The following EYS variants were observed in gnomAD, a reference collection of about 807,000 sequenced individuals.
EYS encodes EGF-like photoreceptor maintenance factor.
In EYS, 250 loss-of-function variants were observed where a neutral mutation model predicts 282.1. The ratio of observed to expected loss-of-function variants is 0.89; its 90% CI spans 0.80 to 0.98. The LOEUF is 0.98. EYS is among the 50% of genes least tolerant of loss of function. EYS has a pLI of 0.00. For missense variants in EYS, 4,016 were observed against 3,709.0 expected (o/e 1.08, Z -2.15); for synonymous variants, 1,355 against 1,282.9 (o/e 1.06, Z -1.20).
At chr6:64,455,075 T>G (rs1775508975) in intron 26 of EYS, among the ~76,000 whole-genome samples, 1 of 152,100 alleles carries the variant, frequency 6.6e-6, no homozygotes, top group East Asian at 1.9e-4. Context: ...CTACTTCTAT[T>G]TATTTATTTG....
At chr6:64,660,450 C>T (rs997996161) in intron 22 of EYS, among the ~76,000 whole-genome samples, 3 of 151,892 alleles carry the variant, frequency 2.0e-5, no homozygotes, top group African/African-American at 4.8e-5. Context: ...TCAAATTGTC[C>T]CTGTTTGCAG....
chr6:64,257,164 C>T (rs1489383582), intron 30 of EYS, among the ~76,000 whole-genome samples: 1 of 151,962 alleles, frequency 6.6e-6, no homozygotes, highest in East Asian at 1.9e-4. Flanking sequence ...CCATTTAGAA[C>T]TAAATCTCCT....
rs564100794 is a variant in EYS at position 64,565,999 on chromosome 6, A to AAT, written c.5644+24222_5644+24223dup. ...AAGCATTCAAAGTACAAATTAGTGC[A>AAT]ATATATATATAACTGTGTGTGTGCA... On this transcript the variant is annotated intron_variant, in intron 26 of 42. Coordinates refer to ENST00000503581, the MANE Select transcript of EYS (RefSeq NM_001142800.2). Among the ~76,000 whole-genome samples the AAT allele has an allele frequency of 2.0e-3, 306 of 151,308 alleles. 2 individuals carry two copies. The highest frequency in any genetic ancestry group is 6.7e-3 in the African/African-American group (277 of 41,416).
chr6:64,435,249 T>G (rs1774702662), intron 28 of EYS, among the ~76,000 whole-genome samples: 1 of 151,948 alleles, frequency 6.6e-6, no homozygotes, highest in African/African-American at 2.4e-5. Flanking sequence ...GTATTCTGGG[T>G]GGGGAGTAGA....
In EYS at chr6:64,946,702, A is replaced by G. The variant is rs569838293; in HGVS notation, c.2260-788T>C. Among the ~76,000 whole-genome samples, 10 of 152,068 alleles carry G rather than the reference A, an allele frequency of 6.6e-5. No individual in the cohort carries two copies. In the South Asian group the frequency reaches 1.5e-3, roughly 22 times the overall value. ...TACAGTAGCCACATGTGGCTATAAA[A>G]CATTGAAACATGGCTAGTACCATTT... On this transcript the variant is annotated intron_variant, in intron 14 of 42. Coordinates refer to ENST00000503581, the MANE Select transcript of EYS (RefSeq NM_001142800.2).
At chr6:65,177,318 T>C (rs555318182) in intron 12 of EYS, among the ~76,000 whole-genome samples, 1 of 151,874 alleles carries the variant, frequency 6.6e-6, no homozygotes, top group African/African-American at 2.4e-5. Flanking sequence ...CGATTATTCA[T>C]CCATTTGCAA....
chr6:65,347,482 G>A (rs1254865044), intron 9 of EYS, among the ~76,000 whole-genome samples: 2 of 151,146 alleles, frequency 1.3e-5, no homozygotes, highest in Non-Finnish European at 3.0e-5. Context: ...ATTTTTACTT[G>A]TCTTGTAGTG....
intron 28 of EYS, among the ~76,000 whole-genome samples, chr6:64,422,966 C>T (rs916689248): frequency 3.8e-5 from 3 of 79,570 alleles, no homozygotes; most frequent in East Asian, 1.4e-3. Context: ...ATATAAAATA[C>T]TTTCTTTTTT....
intron 22 of EYS, among the ~76,000 whole-genome samples, chr6:64,787,964 G>C (rs930385320): frequency 2.0e-5 from 3 of 151,700 alleles, no homozygotes; most frequent in African/African-American, 7.3e-5. Flanking sequence ...TTTTTAAATG[G>C]GTGAATATGC....
intron 2 of EYS, among the ~76,000 whole-genome samples, chr6:65,523,066 C>T (rs1767429561): frequency 6.6e-6 from 1 of 151,892 alleles, no homozygotes; most frequent in African/African-American, 2.4e-5. Context: ...CATAGATTAA[C>T]AATTAAAAAA....
At chr6:65,160,307 C>T (rs1764822815) in intron 12 of EYS, among the ~76,000 whole-genome samples, 1 of 150,842 alleles carries the variant, frequency 6.6e-6, no homozygotes, top group Non-Finnish European at 1.5e-5. Context: ...ATTAGAGAGA[C>T]ATTTTTAAAT....
chr6:64,989,484 T>G (rs1318928436), intron 14 of EYS, among the ~76,000 whole-genome samples: 1 of 117,164 alleles, frequency 8.5e-6, no homozygotes, highest in Non-Finnish European at 1.7e-5. Flanking sequence ...TATATATATA[T>G]ATAAGAATAT....
intron 35 of EYS, among the ~76,000 whole-genome samples, chr6:63,884,946 C>T (rs1435479538): frequency 6.6e-6 from 1 of 151,876 alleles, no homozygotes; most frequent in African/African-American, 2.4e-5. Flanking sequence ...TGCATTGGTC[C>T]TGTGAAGAAA....
Position 65,206,595 on chromosome 6 carries a change from A to C in EYS, c.2023+89268T>G, listed in dbSNP as rs543024800. Among the ~76,000 whole-genome samples, 6 of 151,888 alleles carry C rather than the reference A, an allele frequency of 4.0e-5. No homozygotes were observed. In the South Asian group the frequency reaches 1.2e-3, roughly 31 times the overall value. On this transcript the variant is annotated intron_variant, in intron 12 of 42. Transcript: ENST00000503581. ...ACAACACCAAAAATAACTACAGACC[A>C]TTATCTCTGACGAACATGGATGTAA...
At chr6:64,801,742 T>C (rs964818029) in intron 22 of EYS, among the ~76,000 whole-genome samples, 6 of 152,154 alleles carry the variant, frequency 3.9e-5, no homozygotes, top group Non-Finnish European at 8.8e-5. Flanking sequence ...AATCATACCA[T>C]AATTTTATTC....
chr6:64,038,835 C>T (rs546991015), intron 33 of EYS, among the ~76,000 whole-genome samples: 5 of 151,254 alleles, frequency 3.3e-5, no homozygotes, highest in East Asian at 2.0e-4. Context: ...GACGGAGTCT[C>T]GCTCTGTAGC....
At chr6:64,617,090 C>T (rs76837540) in intron 24 of EYS, among the ~76,000 whole-genome samples, 1,919 of 152,110 alleles carry the variant, frequency 0.013, 34 homozygotes, top group African/African-American at 0.043. Flanking sequence ...CCGCCAAGAC[C>T]CTGACGGTAT....
At chr6:65,218,009 G>A (rs994337325) in intron 12 of EYS, among the ~76,000 whole-genome samples, 3 of 152,084 alleles carry the variant, frequency 2.0e-5, no homozygotes, top group African/African-American at 7.2e-5. Context: ...AACCTTTACT[G>A]AGGATGTCAC....
chr6:64,101,926 G>A (rs1201846334), intron 31 of EYS, among the ~76,000 whole-genome samples: 3 of 151,870 alleles, frequency 2.0e-5, no homozygotes, highest in South Asian at 4.2e-4. Context: ...TCCTTCATAT[G>A]TGCAGTTCCC....
Sources: allele counts gnomAD v4.1 joint callset (sites outside exome capture counted in the v4.1 genomes callset), GRCh38; gene constraint gnomAD v4.1.1; transcripts MANE v1.5; gene names NCBI Gene and HGNC (gene_info 2026-07-23, HGNC 2026-07-21).